SLC4A4: variants seen among roughly 807,000 people sequenced by gnomAD.
SLC4A4 encodes the protein solute carrier family 4 member 4.
SLC4A4 carries 27 observed loss-of-function variants against 111.5 expected under a neutral mutation model. The ratio of observed to expected loss-of-function variants is 0.24; its 90% CI spans 0.18 to 0.33. The LOEUF (loss-of-function observed/expected upper bound fraction) is 0.33, where lower values mean the gene tolerates loss of function less well. Ranked by LOEUF, SLC4A4 falls within the 10% of genes least tolerant of loss-of-function variation. The pLI is 1.00. For missense variants in SLC4A4, 909 were observed against 1,315.5 expected (o/e 0.69, Z 4.78); for synonymous variants, 443 against 463.4 (o/e 0.96, Z 0.57).
At chr4:71,082,204 A>G (rs972906934) in intron 1 of SLC4A4, among the ~76,000 whole-genome samples, 2 of 152,022 alleles carry the variant, frequency 1.3e-5, no homozygotes, top group Admixed American at 1.3e-4. Flanking sequence ...TACTATAGGG[A>G]TGAAGGGGAT....
intron 7 of SLC4A4, among the ~76,000 whole-genome samples, chr4:71,417,950 G>A (rs748553933): frequency 1.9e-4 from 29 of 152,132 alleles, no homozygotes; most frequent in Non-Finnish European, 3.7e-4. Context: ...TCCCTCATCT[G>A]TAAAATGATG....
chr4:71,064,543 C>T (rs897080799), intron 1 of SLC4A4, among the ~76,000 whole-genome samples: 2 of 152,112 alleles, frequency 1.3e-5, no homozygotes, highest in African/African-American at 2.4e-5. Context: ...AAATTGAACC[C>T]GTAGTGATAA....
intron 3 of SLC4A4, chr4:71,339,114 A>G (rs751571130): frequency 6.2e-7 from 1 of 1,606,488 alleles, no homozygotes; most frequent in Non-Finnish European, 8.5e-7. Context: ...TTTGTGACAC[A>G]TCACACAGAA....
chr4:71,176,537 A>T (rs1226215693), intron 2 of SLC4A4, among the ~76,000 whole-genome samples: 1 of 152,246 alleles, frequency 6.6e-6, no homozygotes, highest in African/African-American at 2.4e-5. Flanking sequence ...CAAATGCACA[A>T]GCCTCAGTAG....
rs72650362 is a variant in SLC4A4, at chr4:71,472,872, A to G, written c.1805A>G (p.Lys602Arg). The change falls in exon 14 of 26, where the codon AAG (lysine) becomes AGG (arginine). Residue 602 changes from lysine to arginine, a missense_variant. Coordinates refer to ENST00000264485, the MANE Select transcript of SLC4A4 (RefSeq NM_001098484.3). ...ISFIFIYDAFKKMIKLADYYP... is the reference protein window; with the variant it reads ...ISFIFIYDAFRKMIKLADYYP... Reference sequence around the variant, plus strand: ...TTCATCTTTATCTATGATGCTTTCAAGAAGATGATCAAGCTTGCAGATTAC... The same window carrying G: ...TTCATCTTTATCTATGATGCTTTCAGGAAGATGATCAAGCTTGCAGATTAC... The G allele has an allele frequency of 2.9e-3, 4,691 of 1,612,888 alleles. 5 individuals carry two copies. Among genetic ancestry groups the G allele is most frequent in the Middle Eastern group, 4.0e-3 (24 of 6,058 alleles).
intron 3 of SLC4A4, among the ~76,000 whole-genome samples, chr4:71,297,000 T>C (rs1400249824): frequency 2.6e-5 from 4 of 152,250 alleles, no homozygotes; most frequent in African/African-American, 9.6e-5. Context: ...AGGTTGTTTG[T>C]AGGACTGAGA....
At chr4:71,454,157 G>A (rs776155978) in intron 12 of SLC4A4, among the ~76,000 whole-genome samples, 25 of 152,144 alleles carry the variant, frequency 1.6e-4, no homozygotes, top group Non-Finnish European at 3.2e-4. Flanking sequence ...ATGAATATAA[G>A]CTAACAGTTA....
chr4:71,118,240 T>C (rs753515252), intron 2 of SLC4A4, among the ~76,000 whole-genome samples: 6 of 152,204 alleles, frequency 3.9e-5, no homozygotes, highest in Admixed American at 6.5e-5. Context: ...CATTTGGATA[T>C]CATATACTCT....
intron 3 of SLC4A4, among the ~76,000 whole-genome samples, chr4:71,256,156 A>G (rs953746529): frequency 2.6e-5 from 4 of 152,320 alleles, no homozygotes; most frequent in South Asian, 2.1e-4. Flanking sequence ...ACACATGCCA[A>G]TTTTGGAAGA....
chr4:71,541,364 G>C (rs1735038069), intron 18 of SLC4A4, among the ~76,000 whole-genome samples: 1 of 152,110 alleles, frequency 6.6e-6, no homozygotes, highest in African/African-American at 2.4e-5. Flanking sequence ...AGGGTTGGTT[G>C]CTGGATGGTG....
chr4:71,094,453 C>G (rs1742485153), intron 2 of SLC4A4, among the ~76,000 whole-genome samples: 1 of 152,110 alleles, frequency 6.6e-6, no homozygotes, highest in Non-Finnish European at 1.5e-5. Flanking sequence ...TATTGTGATA[C>G]AGGAAAAATA....
At chr4:71,391,872 A>C (rs1163529796) in intron 6 of SLC4A4, among the ~76,000 whole-genome samples, 1 of 152,110 alleles carries the variant, frequency 6.6e-6, no homozygotes, top group Non-Finnish European at 1.5e-5. Flanking sequence ...CCCAAGAAGC[A>C]ACATACTTTA....
chr4:71,149,495 A>G (rs1744260043), intron 2 of SLC4A4, among the ~76,000 whole-genome samples: 1 of 152,200 alleles, frequency 6.6e-6, no homozygotes, highest in Non-Finnish European at 1.5e-5. Context: ...AAATTCCTTC[A>G]GCTACTGGAT....
chr4:71,417,269 C>T (rs779655246), intron 7 of SLC4A4, among the ~76,000 whole-genome samples: 1 of 152,126 alleles, frequency 6.6e-6, no homozygotes, highest in Non-Finnish European at 1.5e-5. Context: ...GAGTCACAGC[C>T]AAGTCAATCA....
At chr4:71,485,933 C>T (rs73828175) in intron 14 of SLC4A4, among the ~76,000 whole-genome samples, 1,805 of 151,556 alleles carry the variant, frequency 0.012, 39 homozygotes, top group African/African-American at 0.04. Context: ...GGATCTCATA[C>T]TCTAATGTCA....
chr4:71,317,526 CA>C (rs1560405290), intron 3 of SLC4A4, among the ~76,000 whole-genome samples: 1 of 152,008 alleles, frequency 6.6e-6, no homozygotes, highest in South Asian at 2.1e-4. Flanking sequence ...ATACTCATTG[CA>C]AAGTATTTGG....
At chr4:71,553,235 A>G (rs921640) in intron 20 of SLC4A4, among the ~76,000 whole-genome samples, 133,450 of 151,828 alleles carry the variant, frequency 0.88, 59,375 homozygotes, top group Non-Finnish European at 0.96. Flanking sequence ...ATCTAAAGCT[A>G]TTTTTCTACC....
upstream of SLC4A4, among the ~76,000 whole-genome samples, chr4:71,182,586 C>A (rs556696933): frequency 5.3e-5 from 8 of 152,128 alleles, no homozygotes; most frequent in Non-Finnish European, 7.4e-5. Context: ...AAAGGAGGAA[C>A]AGCTTTTAAG....
At chr4:71,470,075 A>G (rs1418174769) in intron 13 of SLC4A4, among the ~76,000 whole-genome samples, 2 of 152,014 alleles carry the variant, frequency 1.3e-5, no homozygotes, top group Non-Finnish European at 2.9e-5. Context: ...TTTTTATTTT[A>G]ATTTAAGGAA....
Sources: gnomAD v4.1 joint callset for allele counts (sites outside exome capture counted in the v4.1 genomes callset) on GRCh38, gnomAD v4.1.1 for gene constraint, MANE v1.5 for transcripts, NCBI Gene and HGNC (gene_info 2026-07-23, HGNC 2026-07-21) for gene names.